The following ART3 variants were observed in gnomAD, a reference collection of about 807,000 sequenced individuals.
The protein encoded by ART3 is ADP-ribosyltransferase 3 (inactive).
In ART3, 49 loss-of-function variants were observed where a neutral mutation model predicts 48.5. That is an observed-to-expected ratio of 1.01 (90% CI 0.80 to 1.28). The LOEUF (loss-of-function observed/expected upper bound fraction) is 1.28, where lower values mean the gene tolerates loss of function less well. Among genes scored for constraint, ART3 ranks in the 50% most tolerant of loss-of-function variants. ART3 has a pLI of 0.00. For missense variants in ART3, 438 were observed against 454.3 expected (o/e 0.96, Z 0.33); for synonymous variants, 145 against 157.2 (o/e 0.92, Z 0.58).
At chr4:76,035,332 C>T in intron 1 of ART3, 1 of 1,613,908 alleles carries the variant, frequency 6.2e-7, no homozygotes. Flanking sequence ...CTCTTTTGAA[C>T]ATGGGGAAGC....
intron 1 of ART3, among the ~76,000 whole-genome samples, chr4:76,068,874 T>C (rs891709471): frequency 1.3e-5 from 2 of 152,180 alleles, no homozygotes; most frequent in Non-Finnish European, 2.9e-5. Context: ...AGAAATGAGG[T>C]CTCACTGTGT....
At chr4:76,048,672 C>T (rs1257724859) in intron 1 of ART3, among the ~76,000 whole-genome samples, 2 of 151,890 alleles carry the variant, frequency 1.3e-5, no homozygotes, top group South Asian at 4.2e-4. Flanking sequence ...GACGCAGCAG[C>T]GGAAACACTA....
At chr4:76,017,662 A>T (rs1020958641) in intron 1 of ART3, among the ~76,000 whole-genome samples, 7 of 152,180 alleles carry the variant, frequency 4.6e-5, no homozygotes, top group African/African-American at 1.4e-4. Flanking sequence ...AGGACTGCCT[A>T]GGACTTGCAA....
chr4:76,070,732 C>T (rs150355236), upstream of ART3, among the ~76,000 whole-genome samples: 1 of 152,222 alleles, frequency 6.6e-6, no homozygotes, highest in African/African-American at 2.4e-5. Context: ...ATTCTTTCTC[C>T]AATTTCTTCA....
At chr4:76,051,995 G>A (rs559815209) in intron 1 of ART3, among the ~76,000 whole-genome samples, 27 of 136,654 alleles carry the variant, frequency 2.0e-4, no homozygotes, top group African/African-American at 2.7e-4. Context: ...TGCAACCTCC[G>A]CCCCTGAGTT....
chr4:76,101,323 T>C (rs1304809917), intron 8 of ART3, among the ~76,000 whole-genome samples: 2 of 152,248 alleles, frequency 1.3e-5, no homozygotes, highest in Non-Finnish European at 2.9e-5. Context: ...ATAACAAATA[T>C]TGTTTTTTCT....
At chr4:76,111,620 G>A (rs1425714367) in intron 11 of ART3, among the ~76,000 whole-genome samples, 1 of 152,128 alleles carries the variant, frequency 6.6e-6, no homozygotes, top group Admixed American at 6.5e-5. Context: ...TCTGCTCACT[G>A]CAAGCTCTGC....
intron 4 of ART3, 42 bp from the exon 5 acceptor site, chr4:76,098,913 C>G (rs746434879): frequency 4.6e-6 from 7 of 1,534,162 alleles, no homozygotes; most frequent in Non-Finnish European, 6.3e-6. Context: ...ACATTCACAT[C>G]TGAGCATAGT....
At chr4:76,079,918 TCA>T (rs58491679) in intron 2 of ART3, among the ~76,000 whole-genome samples, 1 of 149,388 alleles carries the variant, frequency 6.7e-6, no homozygotes, top group Admixed American at 6.6e-5. Context: ...TCTCTCTCTC[TCA>T]CACACACACA....
At chr4:76,080,017 A>G (rs59765882) in intron 2 of ART3, among the ~76,000 whole-genome samples, 16,851 of 151,944 alleles carry the variant, frequency 0.11, 1,270 homozygotes, top group East Asian at 0.35. Context: ...AACAGCTTCT[A>G]GCTAAATATG....
chr4:76,032,970 T>A (rs1734013475), intron 1 of ART3, among the ~76,000 whole-genome samples: 1 of 151,936 alleles, frequency 6.6e-6, no homozygotes, highest in Admixed American at 6.6e-5. Context: ...TATAACAATT[T>A]ATTATAAATC....
rs148768785 is a variant in ART3 at position 76,076,354 on chromosome 4, A to G, written c.69+396A>G. Among the ~76,000 whole-genome samples, 888 of 152,256 alleles carry G rather than the reference A, an allele frequency of 5.8e-3. 21 individuals are homozygous for G. The highest frequency in any genetic ancestry group is 0.02 in the African/African-American group (845 of 41,566). On this transcript the variant is annotated intron_variant, in intron 2 of 11. Transcript: ENST00000355810. ...TTACCTGAGGCATCTGTGTGGCTTGATGGTGGAAATGAAAGTAGGTAGGAT... is the reference window on the plus strand; with the variant it reads ...TTACCTGAGGCATCTGTGTGGCTTGGTGGTGGAAATGAAAGTAGGTAGGAT...
intron 3 of ART3, among the ~76,000 whole-genome samples, chr4:76,091,143 C>A (rs1305766332): frequency 6.6e-6 from 1 of 152,146 alleles, no homozygotes; most frequent in Non-Finnish European, 1.5e-5. Flanking sequence ...GTCTATTCAC[C>A]TGTTGATGAG....
intron 9 of ART3, 106 bp from the exon 10 acceptor site, chr4:76,104,491 A>G (rs1728036150): frequency 3.3e-6 from 5 of 1,534,918 alleles, no homozygotes; most frequent in Admixed American, 2.0e-5. Context: ...ACTATAGTGC[A>G]TTGGGGCCTT....
At chr4:76,052,873 C>T (rs1279855490) in intron 1 of ART3, among the ~76,000 whole-genome samples, 1 of 152,058 alleles carries the variant, frequency 6.6e-6, no homozygotes, top group African/African-American at 2.4e-5. Flanking sequence ...GGATTACAGG[C>T]CTGTGCCACC....
rs143904194 is a variant in ART3, at chr4:76,069,261, C to T, written c.-9-6620C>T. 2.2e-4 allele frequency among the ~76,000 whole-genome samples: 33 copies of T among 151,638 alleles called. No individual in the cohort carries two copies. In the South Asian group the frequency reaches 2.3e-3, roughly 11 times the overall value. On this transcript the variant is annotated intron_variant, in intron 1 of 9. Coordinates refer to the ART3 transcript ENST00000341029. Reference sequence around the variant, plus strand: ...CATTACTCTAAAAAGAAGCCTAGTACGCATTAACAGTCTTCCTCATTTCCC... The same window carrying T: ...CATTACTCTAAAAAGAAGCCTAGTATGCATTAACAGTCTTCCTCATTTCCC...
upstream of ART3, among the ~76,000 whole-genome samples, chr4:76,073,051 C>T (rs1303833742): frequency 1.3e-5 from 2 of 152,178 alleles, no homozygotes; most frequent in African/African-American, 4.8e-5. Flanking sequence ...AACATACTTG[C>T]ATAATTTACG....
chr4:76,074,699 C>T (rs183489371), upstream of ART3: 1 of 152,278 alleles, frequency 6.6e-6, no homozygotes, highest in East Asian at 1.9e-4. Context: ...AAAAGCATTC[C>T]TGTCTCAGCT....
intron 1 of ART3, among the ~76,000 whole-genome samples, chr4:76,018,483 G>C (rs895181112): frequency 2.0e-5 from 3 of 151,986 alleles, no homozygotes; most frequent in African/African-American, 7.3e-5. Flanking sequence ...TACCTATCTG[G>C]TACTATGTTC....
Sources: gnomAD v4.1 joint callset for allele counts (sites outside exome capture counted in the v4.1 genomes callset) on GRCh38, gnomAD v4.1.1 for gene constraint, MANE v1.5 for transcripts, NCBI Gene and HGNC (gene_info 2026-07-23, HGNC 2026-07-21) for gene names.